The following PIK3C2G variants were observed in gnomAD, a reference collection of about 807,000 sequenced individuals.
PIK3C2G encodes the protein phosphatidylinositol-4-phosphate 3-kinase catalytic subunit type 2 gamma.
PIK3C2G carries 168 observed loss-of-function variants against 181.1 expected under a neutral mutation model. The observed-to-expected ratio is 0.93, with a 90% CI of 0.82 to 1.05. PIK3C2G has a LOEUF of 1.05. Among genes scored for constraint, PIK3C2G ranks in the 50% least tolerant of loss-of-function variants. The pLI, the probability that PIK3C2G is intolerant of heterozygous loss-of-function variation, is 0.00. For synonymous variants in PIK3C2G, 573 were observed against 592.2 expected, an observed-to-expected ratio of 0.97 and a Z score of 0.47; for missense variants, 1,869 against 1,732.8, an observed-to-expected ratio of 1.08 and a Z score of -1.40.
chr12:18,604,674 A>T (rs1164607640), intron 30 of PIK3C2G, among the ~76,000 whole-genome samples: 1 of 152,182 alleles, frequency 6.6e-6, no homozygotes, highest in Non-Finnish European at 1.5e-5. Context: ...AAGTTAAGAA[A>T]ATTGAAATTA....
chr12:18,664,797 C>A, the PIK3C2G span, among the ~76,000 whole-genome samples: 609 of 151,332 alleles, frequency 4.0e-3, 6 homozygotes, highest in African/African-American at 0.014. Flanking sequence ...GAAAATGTGG[C>A]ACATATACAC....
chr12:18,265,839 C>A (rs112807896), intron 1 of PIK3C2G, among the ~76,000 whole-genome samples: 1 of 151,676 alleles, frequency 6.6e-6, no homozygotes, highest in East Asian at 1.9e-4. Context: ...CATGATGAAA[C>A]CTCATCTCTA....
intron 18 of PIK3C2G, among the ~76,000 whole-genome samples, chr12:18,433,482 C>T (rs755555509): frequency 2.6e-5 from 4 of 152,190 alleles, no homozygotes; most frequent in Admixed American, 6.5e-5. Context: ...GCCGAGATCA[C>T]GCCATTGCAC....
At position 18,338,491 on chromosome 12, in the gene PIK3C2G, CAAACA is replaced by C. The variant is rs758728342; in HGVS notation, c.1341_1345del (p.Lys447AsnfsTer7). 5.7e-6 allele frequency: 9 copies of C among 1,588,666 alleles called. No individual in the cohort carries two copies. The East Asian group carries it at 6.7e-5, about 12-fold the overall frequency. ...GCAGTGTTCTAGGGTGTGTGGAAAC[CAAACA>C]AATTACAGATGCAGTAAATGAACTA... On this transcript the variant is annotated frameshift_variant, in exon 9 of 33. Coordinates refer to ENST00000538779, the MANE Select transcript of PIK3C2G (RefSeq NM_001288772.2). LOFTEE classifies it high-confidence loss of function.
intron 18 of PIK3C2G, among the ~76,000 whole-genome samples, chr12:18,444,808 G>T (rs1320973704): frequency 2.0e-5 from 3 of 151,988 alleles, no homozygotes; most frequent in African/African-American, 7.2e-5. Flanking sequence ...ATCCATTCAG[G>T]TTATGTCCTA....
the PIK3C2G span, among the ~76,000 whole-genome samples, chr12:18,670,267 A>C: frequency 6.6e-6 from 1 of 152,106 alleles, no homozygotes; most frequent in Non-Finnish European, 1.5e-5. Context: ...ACATTTCTCC[A>C]CAATTACAGA....
chr12:18,545,282 G>T (rs2136270232), intron 25 of PIK3C2G, among the ~76,000 whole-genome samples: 1 of 151,858 alleles, frequency 6.6e-6, no homozygotes, highest in South Asian at 2.1e-4. Context: ...CTGAGCCTGG[G>T]TGGGGATGGT....
At chr12:18,485,255 T>G (rs1261367783) in intron 18 of PIK3C2G, among the ~76,000 whole-genome samples, 2 of 152,164 alleles carry the variant, frequency 1.3e-5, no homozygotes, top group African/African-American at 2.4e-5. Context: ...TATCTGTACT[T>G]TTCCTGTGGC....
At chr12:18,288,426 C>T (rs890464364) in intron 3 of PIK3C2G, among the ~76,000 whole-genome samples, 1 of 152,102 alleles carries the variant, frequency 6.6e-6, no homozygotes, top group Admixed American at 6.5e-5. Flanking sequence ...GTCCCTGCCT[C>T]ATAAAACCTA....
intron 18 of PIK3C2G, among the ~76,000 whole-genome samples, chr12:18,444,655 CAAT>C (rs1381736209): frequency 1.3e-5 from 2 of 152,116 alleles, no homozygotes; most frequent in Non-Finnish European, 2.9e-5. Flanking sequence ...ACAATATCAA[CAAT>C]GACTATTTTT....
At chr12:18,461,262 C>T (rs1947906262) in intron 18 of PIK3C2G, among the ~76,000 whole-genome samples, 1 of 152,116 alleles carries the variant, frequency 6.6e-6, no homozygotes, top group Non-Finnish European at 1.5e-5. Flanking sequence ...TAGTTAACAT[C>T]ATTTATTGAC....
intron 13 of PIK3C2G, among the ~76,000 whole-genome samples, chr12:18,376,451 G>A (rs1942444470): frequency 6.6e-6 from 1 of 152,118 alleles, no homozygotes; most frequent in Non-Finnish European, 1.5e-5. Context: ...AACTTGTTTT[G>A]ATTTTATGGG....
Position 18,505,390 on chromosome 12 carries a change from G to A in PIK3C2G, c.3252G>A (p.Lys1084=), listed in dbSNP as rs745889730. 3 of 1,613,438 alleles carry A rather than the reference G, an allele frequency of 1.9e-6. No homozygotes were observed. The highest frequency in any genetic ancestry group is 2.5e-6 in the Non-Finnish European group (3 of 1,179,640). ...ACAATGATAATATCATGCTGACAAA[G>A]TCGGGCCACATGTTTCATATTGACT... ...DRHNDNIMLT[K]SGHMFHIDFG... is the part of the protein sequence containing the mutation. The change falls in exon 24 of 33, where the codon AAG becomes AAA. Residue 1084 remains lysine, a synonymous_variant. Coordinates refer to ENST00000538779, the MANE Select transcript of PIK3C2G (RefSeq NM_001288772.2).
downstream of PIK3C2G, among the ~76,000 whole-genome samples, chr12:18,650,325 C>CTATATATA (rs1215059836): frequency 4.0e-5 from 3 of 74,974 alleles, no homozygotes; most frequent in African/African-American, 6.0e-5. Context: ...CTCTCTCTCT[C>CTATATATA]TCTCTCTATA....
chr12:18,391,094 A>C (rs1001304642), intron 14 of PIK3C2G, 28 bp from the exon 15 acceptor site: 6 of 1,577,674 alleles, frequency 3.8e-6, no homozygotes, highest in Non-Finnish European at 5.2e-6. Flanking sequence ...CACCTTCAAC[A>C]CATGGCAAAT....
chr12:18,244,971 C>G (rs10770327), upstream of PIK3C2G, among the ~76,000 whole-genome samples: 65,462 of 151,830 alleles, frequency 0.43, 14,671 homozygotes, highest in East Asian at 0.75. Context: ...AGCAAGTTCT[C>G]TGTTCCCTCT....
intron 24 of PIK3C2G, among the ~76,000 whole-genome samples, chr12:18,522,712 A>G (rs528681941): frequency 6.6e-6 from 1 of 151,862 alleles, no homozygotes; most frequent in East Asian, 1.9e-4. Context: ...TGTCTTGGGG[A>G]TTTCCTCTTT....
At chr12:18,247,205 T>C (rs1007999455), upstream of PIK3C2G, among the ~76,000 whole-genome samples, 1 of 152,120 alleles carries the variant, frequency 6.6e-6, no homozygotes, top group Admixed American at 6.5e-5. Context: ...GAGAACCAGG[T>C]TTGGATTATG....
intron 6 of PIK3C2G, among the ~76,000 whole-genome samples, chr12:18,319,471 T>A (rs1591940168): frequency 6.6e-6 from 1 of 152,284 alleles, no homozygotes; most frequent in South Asian, 2.1e-4. Flanking sequence ...GATCTGTTAA[T>A]AATTGTGACA....
Sources: allele counts gnomAD v4.1 joint callset (sites outside exome capture counted in the v4.1 genomes callset), GRCh38; gene constraint gnomAD v4.1.1; transcripts MANE v1.5; gene names NCBI Gene and HGNC (gene_info 2026-07-23, HGNC 2026-07-21).